Variants in GOLGB1 observed in about 807,000 individuals in gnomAD.
The protein encoded by GOLGB1 is golgin B1.
In GOLGB1, 174 loss-of-function variants were observed where a neutral mutation model predicts 336.9. The observed-to-expected ratio is 0.52, with a 90% confidence interval of 0.46 to 0.59. The LOEUF is 0.59. Ranked by LOEUF, GOLGB1 falls within the 20% of genes least tolerant of loss-of-function variation. The pLI is 0.00. For synonymous variants in GOLGB1, 1,208 were observed against 1,289.2 expected (o/e 0.94, Z 1.35); for missense variants, 3,331 against 3,645.3 (o/e 0.91, Z 2.22).
chr3:121,740,460 T>C (rs915864460), intron 1 of GOLGB1, among the ~76,000 whole-genome samples: 43 of 152,138 alleles, frequency 2.8e-4, no homozygotes, highest in Non-Finnish European at 1.0e-4. Context: ...AAAATGGACA[T>C]TAATGGAGAA....
intron 1 of GOLGB1, among the ~76,000 whole-genome samples, chr3:121,742,137 A>C (rs1278421762): frequency 6.6e-6 from 1 of 152,204 alleles, no homozygotes; most frequent in Non-Finnish European, 1.5e-5. Context: ...ATATGGAACC[A>C]AAAAAGAGCC....
intron 1 of GOLGB1, among the ~76,000 whole-genome samples, chr3:121,737,865 T>C (rs1351429947): frequency 1.3e-5 from 2 of 152,064 alleles, no homozygotes; most frequent in South Asian, 2.1e-4. Context: ...TTGGAAAAGA[T>C]ACGTGAGACA....
intron 1 of GOLGB1, among the ~76,000 whole-genome samples, chr3:121,735,832 A>G (rs1946432276): frequency 6.6e-6 from 1 of 152,220 alleles, no homozygotes; most frequent in South Asian, 2.1e-4. Flanking sequence ...CTCAGTAGCA[A>G]TGAGCGCATC....
intron 1 of GOLGB1, among the ~76,000 whole-genome samples, chr3:121,744,977 A>C (rs1010791828): frequency 6.6e-6 from 1 of 152,162 alleles, no homozygotes; most frequent in African/African-American, 2.4e-5. Flanking sequence ...CTCATCTTAA[A>C]ATGAAGACTA....
chr3:121,718,949 A>C (rs949686097), intron 7 of GOLGB1, among the ~76,000 whole-genome samples: 29 of 152,326 alleles, frequency 1.9e-4, no homozygotes, highest in Non-Finnish European at 3.7e-4. Context: ...TAAAGCAATG[A>C]TACACATATA....
At chr3:121,705,417 T>C (rs1429244807) in intron 10 of GOLGB1, among the ~76,000 whole-genome samples, 1 of 152,164 alleles carries the variant, frequency 6.6e-6, no homozygotes, top group East Asian at 1.9e-4. Flanking sequence ...TAAATAATCA[T>C]TTTCAGAATA....
chr3:121,670,083 G>A (rs1939269423), intron 17 of GOLGB1, among the ~76,000 whole-genome samples: 1 of 152,150 alleles, frequency 6.6e-6, no homozygotes, highest in Non-Finnish European at 1.5e-5. Flanking sequence ...TTAAAAAACT[G>A]AAAATTCATT....
In GOLGB1 at chr3:121,716,970, T is replaced by C; in HGVS notation, c.1055A>G (p.Glu352Gly). 6.2e-7 allele frequency: 1 copy of C among 1,614,094 alleles called. No homozygotes were observed. The highest frequency in any genetic ancestry group is 8.5e-7 in the Non-Finnish European group (1 of 1,179,976). ...GGCTTGGCCTGCTTGCTCAAACTGTTCTAAAAGATGATGCATTTCTTCCTG... is the reference window on the plus strand; with the variant it reads ...GGCTTGGCCTGCTTGCTCAAACTGTCCTAAAAGATGATGCATTTCTTCCTG... Reference protein sequence around the residue: ...NLQEEMHHLLEQFEQAGQAQA... With the variant: ...NLQEEMHHLLGQFEQAGQAQA... The change falls in exon 9 of 22, where the codon GAA becomes GGA. Residue 352 changes from glutamate to glycine, a missense_variant. Glu to Gly is a moderately conservative substitution (Grantham distance 98, BLOSUM62 -2). Transcript: ENST00000614479.
In GOLGB1 at chr3:121,694,117, C is replaced by A; in HGVS notation, c.6406G>T (p.Glu2136Ter). 6.2e-7 allele frequency: 1 copy of A among 1,613,936 alleles called. No individual in the cohort carries two copies. Among genetic ancestry groups the A allele is most frequent in the Non-Finnish European group, 8.5e-7 (1 of 1,180,022 alleles). Residue 2136 changes from glutamate to a stop codon, truncating the protein, a stop_gained, in exon 13 of 22, where the codon GAA becomes TAA. Transcript: ENST00000614479. LOFTEE classifies it high-confidence loss of function. ...EDLERRLEQA[E>*]EKHLKEKKNM... ...TTCTTCTCTTTCAGGTGCTTCTCTT[C>A]TGCCTGTTCCAGTCTTCGCTCAAGA...
At chr3:121,686,902 C>T (rs1941797368) in intron 14 of GOLGB1, among the ~76,000 whole-genome samples, 1 of 152,106 alleles carries the variant, frequency 6.6e-6, no homozygotes, top group Non-Finnish European at 1.5e-5. Flanking sequence ...TTATTGCATA[C>T]TGAGTAGATC....
intron 10 of GOLGB1, among the ~76,000 whole-genome samples, chr3:121,709,540 A>G (rs1264961591): frequency 1.3e-5 from 2 of 152,204 alleles, no homozygotes; most frequent in African/African-American, 4.8e-5. Context: ...AAGTATCTGG[A>G]TATTCTACAA....
In GOLGB1 at chr3:121,677,136, T is replaced by G. The variant is rs769559956; in HGVS notation, c.9040-106A>C. The stretch of plus-strand genomic sequence containing the variant: ...CCCATAGAAGTCATAAGGTGGCTTA[T>G]GGGCACTTAATAGTGGCAGATGGGC... On this transcript the variant is annotated intron_variant, in intron 16 of 21. Transcript: ENST00000614479. The G allele has an allele frequency of 7.8e-6, 11 of 1,414,206 alleles. No individual in the cohort carries two copies. In the African/African-American group the frequency reaches 1.4e-4, roughly 18 times the overall value. 87.6% of individuals were successfully genotyped at this position (1,414,206 alleles called of 1,614,324 possible).
rs368493709 is a variant in GOLGB1, at chr3:121,678,662, G to T, written c.8874-1212C>A. Among the ~76,000 whole-genome samples the T allele has an allele frequency of 5.9e-5, 9 of 152,118 alleles. No individual in the cohort carries two copies. In the East Asian group the frequency reaches 7.7e-4, roughly 13 times the overall value. ...GGCTCACTGCAACCTCCACCTCCCG[G>T]GTTCAAGCAATTCTCCTGCCTCAGT... On this transcript the variant is annotated intron_variant, in intron 15 of 21. Transcript: ENST00000614479.
At chr3:121,683,940 C>T (rs1412666630) in intron 14 of GOLGB1, among the ~76,000 whole-genome samples, 1 of 151,336 alleles carries the variant, frequency 6.6e-6, no homozygotes, top group Non-Finnish European at 1.5e-5. Flanking sequence ...CCATCCTGGC[C>T]AACATGGTGA....
rs1404004425 is a variant in GOLGB1 at position 121,696,096 on chromosome 3, A to G, written c.4427T>C (p.Ile1476Thr). 6 of 1,613,484 alleles carry G rather than the reference A, an allele frequency of 3.7e-6. No homozygotes were observed. The highest frequency in any genetic ancestry group is 2.7e-5 in the African/African-American group (2 of 74,760). Residue 1476 changes from isoleucine (I) to threonine (T), a missense_variant, in exon 13 of 22, where the codon ATT becomes ACT. Coordinates refer to ENST00000614479, the MANE Select transcript of GOLGB1 (RefSeq NM_001366282.2). ...TTGCTTTGCTCTACTTTCTTCTCCAATCTCTTCTGGTTTTTGCTTCATTTC... is the reference window on the plus strand; with the variant it reads ...TTGCTTTGCTCTACTTTCTTCTCCAGTCTCTTCTGGTTTTTGCTTCATTTC... Reference protein sequence around the residue: ...LCEMKQKPEEIGEESRAKQQI... With the variant: ...LCEMKQKPEETGEESRAKQQI...
chr3:121,724,207 G>T (rs1334487166), intron 5 of GOLGB1, among the ~76,000 whole-genome samples: 1 of 152,158 alleles, frequency 6.6e-6, no homozygotes, highest in Non-Finnish European at 1.5e-5. Flanking sequence ...TTCTGATGAG[G>T]GCTTAGAAGA....
At chr3:121,690,314 A>T (rs1342253729) in intron 14 of GOLGB1, among the ~76,000 whole-genome samples, 1 of 152,206 alleles carries the variant, frequency 6.6e-6, no homozygotes, top group Admixed American at 6.5e-5. Context: ...GCACTAAGTG[A>T]TCCTTTTACT....
chr3:121,708,315 T>C (rs1341120167), intron 10 of GOLGB1, among the ~76,000 whole-genome samples: 2 of 152,154 alleles, frequency 1.3e-5, no homozygotes, highest in African/African-American at 4.8e-5. Flanking sequence ...TTCATTTTCT[T>C]GATAGTAGTG....
intron 15 of GOLGB1, among the ~76,000 whole-genome samples, chr3:121,677,962 T>G (rs895938069): frequency 1.3e-5 from 2 of 152,198 alleles, no homozygotes; most frequent in Admixed American, 6.5e-5. Context: ...TCTAACAGAA[T>G]AAAGCTGGGG....
Sources: gnomAD v4.1 joint callset for allele counts (sites outside exome capture counted in the v4.1 genomes callset) on GRCh38, gnomAD v4.1.1 for gene constraint, MANE v1.5 for transcripts, NCBI Gene and HGNC (gene_info 2026-07-23, HGNC 2026-07-21) for gene names.